Variants in PALLD observed in about 807,000 individuals in gnomAD.
PALLD encodes the protein palladin, cytoskeletal associated protein, also known as palladin.
In PALLD, 61 loss-of-function variants were observed where a neutral mutation model predicts 123.5. The observed-to-expected ratio is 0.49, with a 90% CI of 0.40 to 0.61. The LOEUF (loss-of-function observed/expected upper bound fraction) is 0.61. PALLD is among the 20% of genes least tolerant of loss of function. The probability of loss-of-function intolerance (pLI) is 0.00; values close to 1 mark genes in which losing one functional copy is unlikely to be tolerated. For missense variants in PALLD, 1,273 were observed against 1,377.0 expected (o/e 0.92, Z 1.20); for synonymous variants, 465 against 496.4 (o/e 0.94, Z 0.84).
intron 11 of PALLD, among the ~76,000 whole-genome samples, chr4:168,893,812 T>G (rs898033937): frequency 4.6e-5 from 7 of 152,220 alleles, no homozygotes; most frequent in African/African-American, 1.7e-4. Flanking sequence ...AAGTGCTAGC[T>G]GCGAGATGCA....
At chr4:168,789,207 A>G (rs909556870) in intron 10 of PALLD, among the ~76,000 whole-genome samples, 3 of 152,138 alleles carry the variant, frequency 2.0e-5, no homozygotes, top group African/African-American at 2.4e-5. Flanking sequence ...ATTTCTGTAA[A>G]TTTTGGCTCT....
At chr4:168,612,306 A>G (rs961323668) in intron 2 of PALLD, among the ~76,000 whole-genome samples, 2 of 151,030 alleles carry the variant, frequency 1.3e-5, no homozygotes, top group African/African-American at 4.9e-5. Flanking sequence ...CATCTCTTCA[A>G]CCCCCTTGAA....
intron 8 of PALLD, among the ~76,000 whole-genome samples, chr4:168,703,925 G>T (rs968049147): frequency 3.6e-4 from 55 of 151,882 alleles, no homozygotes; most frequent in Non-Finnish European, 5.4e-4. Context: ...TAGATCCCAT[G>T]TGTCAATTTT....
chr4:168,594,051 C>G (rs1771728013), intron 2 of PALLD, among the ~76,000 whole-genome samples: 1 of 151,956 alleles, frequency 6.6e-6, no homozygotes, highest in African/African-American at 2.4e-5. Flanking sequence ...ATTATTAACT[C>G]TTGTATTTGT....
rs2150213943 is a variant in PALLD, at chr4:168,711,913, A to G, written c.1954A>G (p.Lys652Glu). The G allele has an allele frequency of 6.2e-7, 1 of 1,612,802 alleles. No individual in the cohort carries two copies. Among genetic ancestry groups the G allele is most frequent in the Non-Finnish European group, 8.5e-7 (1 of 1,178,874 alleles). ...TAAGGAGCCACCACCTCTGCTTGCC[A>G]AACCAAAACTGTGAGTATTTCTGCA... ...PTKEPPPLLA[K>E]PKLGFPKKAS... is the part of the protein sequence containing the mutation. Residue 652 changes from lysine (K) to glutamate (E), a missense_variant, in exon 10 of 22, where the codon AAA (lysine) becomes GAA (glutamate). Physicochemically the swap from Lys to Glu is moderately conservative, Grantham distance 56. Transcript: ENST00000505667.
At chr4:168,922,178 A>G (rs1761719478) in intron 18 of PALLD, among the ~76,000 whole-genome samples, 1 of 151,620 alleles carries the variant, frequency 6.6e-6, no homozygotes, top group Non-Finnish European at 1.5e-5. Context: ...ATCTACCCTC[A>G]TAGTCATTGT....
chr4:168,526,646 T>C (rs966668678), intron 2 of PALLD, among the ~76,000 whole-genome samples: 1 of 152,202 alleles, frequency 6.6e-6, no homozygotes, highest in Non-Finnish European at 1.5e-5. Flanking sequence ...ACACCTGCAC[T>C]AATCATCTGT....
At chr4:168,568,211 T>C (rs1164474211) in intron 2 of PALLD, among the ~76,000 whole-genome samples, 1 of 152,058 alleles carries the variant, frequency 6.6e-6, no homozygotes, top group Admixed American at 6.6e-5. Flanking sequence ...ATCGACCTAG[T>C]GATAAAGAGA....
At chr4:168,797,697 G>A (rs11733873) in intron 10 of PALLD, among the ~76,000 whole-genome samples, 24,581 of 152,044 alleles carry the variant, frequency 0.16, 2,625 homozygotes, top group East Asian at 0.43. Flanking sequence ...ATGTTACCTT[G>A]CAAGAAAAAT....
chr4:168,758,499 C>T (rs778330252), intron 10 of PALLD, among the ~76,000 whole-genome samples: 1 of 152,138 alleles, frequency 6.6e-6, no homozygotes, highest in Non-Finnish European at 1.5e-5. Flanking sequence ...ATTCAGAAGG[C>T]ACATCCATGC....
At chr4:168,706,150 G>C (rs1368265726) in intron 8 of PALLD, among the ~76,000 whole-genome samples, 1 of 152,080 alleles carries the variant, frequency 6.6e-6, no homozygotes, top group African/African-American at 2.4e-5. Flanking sequence ...CCACTGAACA[G>C]CAACTGCCAT....
At chr4:168,718,627 C>T (rs1321927310) in intron 10 of PALLD, among the ~76,000 whole-genome samples, 1 of 152,164 alleles carries the variant, frequency 6.6e-6, no homozygotes, top group East Asian at 1.9e-4. Context: ...GTCTGCCTCT[C>T]GGACTCAGTA....
At chr4:168,703,267 C>T (rs1484976839) in intron 8 of PALLD, among the ~76,000 whole-genome samples, 2 of 140,382 alleles carry the variant, frequency 1.4e-5, no homozygotes, top group African/African-American at 5.7e-5. Context: ...CATAGTATTC[C>T]ATGGTGTATA....
At chr4:168,590,938 G>C (rs377103652) in intron 2 of PALLD, among the ~76,000 whole-genome samples, 1 of 138,686 alleles carries the variant, frequency 7.2e-6, no homozygotes, top group Non-Finnish European at 1.5e-5. Flanking sequence ...AGAGTGCAAT[G>C]GTGCGATCTC....
chr4:168,532,665 G>A (rs1764716069), intron 2 of PALLD, among the ~76,000 whole-genome samples: 1 of 152,048 alleles, frequency 6.6e-6, no homozygotes, highest in Non-Finnish European at 1.5e-5. Context: ...CTATCTTGTA[G>A]AAGAAAAAAT....
intron 2 of PALLD, among the ~76,000 whole-genome samples, chr4:168,529,763 G>T (rs1764429543): frequency 6.6e-6 from 1 of 152,092 alleles, no homozygotes; most frequent in South Asian, 2.1e-4. Context: ...CAGACAAAAT[G>T]ACTAAGTATT....
chr4:168,553,820 C>T (rs1251339428), intron 2 of PALLD, among the ~76,000 whole-genome samples: 2 of 152,046 alleles, frequency 1.3e-5, no homozygotes, highest in Non-Finnish European at 2.9e-5. Flanking sequence ...TTTCCTCTTA[C>T]TGGAATGTTC....
chr4:168,511,348 T>C, intron 1 of PALLD, 75 bp from the exon 2 acceptor site: 1 of 623,036 alleles, frequency 1.6e-6, no homozygotes, highest in Admixed American at 2.9e-5. Context: ...TTCTCCCAAT[T>C]TGTGACTTAC....
chr4:168,591,653 A>C (rs914790714), intron 2 of PALLD, among the ~76,000 whole-genome samples: 12 of 152,166 alleles, frequency 7.9e-5, no homozygotes, highest in Admixed American at 7.9e-4. Flanking sequence ...ATGTATGACT[A>C]TTCTATTTCT....
Sources: gnomAD v4.1 joint callset for allele counts (sites outside exome capture counted in the v4.1 genomes callset) on GRCh38, gnomAD v4.1.1 for gene constraint, MANE v1.5 for transcripts, NCBI Gene and HGNC (gene_info 2026-07-23, HGNC 2026-07-21) for gene names.